FAM135B: variants seen among roughly 807,000 people sequenced by gnomAD.
FAM135B encodes protein FAM135B.
A neutral mutation model predicts 127.7 loss-of-function variants in FAM135B; 43 were observed. That is an observed-to-expected ratio of 0.34 (90% CI 0.26 to 0.43). The LOEUF is 0.43. Ranked by LOEUF, FAM135B falls within the 20% of genes least tolerant of loss-of-function variation. FAM135B has a pLI of 1.00. For missense variants in FAM135B, 1,558 were observed against 1,725.6 expected, an observed-to-expected ratio of 0.90 and a Z score of 1.72; for synonymous variants, 670 against 665.1, an observed-to-expected ratio of 1.01 and a Z score of -0.11.
In FAM135B at chr8:138,132,515, G is replaced by T; in HGVS notation, c.*78C>A. ...TGTTGAAGCTTCATTCTGAAATGGTGAGGTCTGTAAAAGCAGGTCTCAGCT... is the reference window on the plus strand; with the variant it reads ...TGTTGAAGCTTCATTCTGAAATGGTTAGGTCTGTAAAAGCAGGTCTCAGCT... On this transcript the variant is annotated 3_prime_UTR_variant, in exon 20 of 20. Transcript: ENST00000395297. This position sits in a 1 kb window ranked among gnomAD's most constrained non-coding sequence, Gnocchi z 4.5. 8.4e-7 allele frequency: 1 copy of T among 1,191,888 alleles called. No individual in the cohort carries two copies. 73.8% of individuals were successfully genotyped at this position (1,191,888 alleles called of 1,614,324 possible).
At chr8:138,347,030 A>G (rs1829464479) in intron 2 of FAM135B, among the ~76,000 whole-genome samples, 1 of 152,360 alleles carries the variant, frequency 6.6e-6, no homozygotes, top group South Asian at 2.1e-4. Flanking sequence ...ATTGGTACAT[A>G]GGTATCAATT....
chr8:138,250,765 A>C (rs1428481850), intron 6 of FAM135B, 76 bp downstream of exon 6: 1 of 1,537,528 alleles, frequency 6.5e-7, no homozygotes, highest in African/African-American at 1.4e-5. Context: ...TCTCTCCTGG[A>C]AAACTCCCTG....
Position 138,159,292 on chromosome 8 carries a change from G to A in FAM135B, c.1259-6076C>T, listed in dbSNP as rs1227109422. Among the ~76,000 whole-genome samples, 51 of 100,014 alleles carry A rather than the reference G, an allele frequency of 5.1e-4. 1 individual carries two copies. The highest frequency in any genetic ancestry group is 9.7e-4 in the Admixed American group (9 of 9,280). The allele number at this position is 100,014 out of a possible 152,430, so 65.6% of individuals were successfully genotyped here. The stretch of plus-strand genomic sequence containing the variant: ...AGACTCCGTCTCAAAAAAAAAAAAA[G>A]ACACATGCACACATATGTTTATTGC... On this transcript the variant is annotated intron_variant, in intron 12 of 19. Coordinates refer to ENST00000395297, the MANE Select transcript of FAM135B (RefSeq NM_015912.4).
At chr8:138,408,825 C>T (rs1218727437) in intron 1 of FAM135B, among the ~76,000 whole-genome samples, 2 of 152,102 alleles carry the variant, frequency 1.3e-5, no homozygotes, top group African/African-American at 2.4e-5. Flanking sequence ...TCACCAGGTC[C>T]CTCTCTTGAC....
At chr8:138,280,666 T>C (rs1824198104) in intron 3 of FAM135B, among the ~76,000 whole-genome samples, 1 of 152,064 alleles carries the variant, frequency 6.6e-6, no homozygotes, top group African/African-American at 2.4e-5. Context: ...AACTTTTTAA[T>C]GACTGTGTTA....
intron 1 of FAM135B, among the ~76,000 whole-genome samples, chr8:138,426,081 A>T (rs202141915): frequency 1.5e-5 from 2 of 133,186 alleles, no homozygotes; most frequent in African/African-American, 2.8e-5. Context: ...ACATATATAA[A>T]ATGTTTTATG....
intron 7 of FAM135B, among the ~76,000 whole-genome samples, chr8:138,222,753 A>T (rs937491201): frequency 4.0e-5 from 6 of 150,142 alleles, no homozygotes; most frequent in Non-Finnish European, 3.0e-5. Flanking sequence ...ATGAATTTTT[A>T]AAAAAGATTC....
intron 1 of FAM135B, among the ~76,000 whole-genome samples, chr8:138,430,456 G>A (rs1397173365): frequency 6.6e-6 from 1 of 152,162 alleles, no homozygotes; most frequent in Non-Finnish European, 1.5e-5. Context: ...GAACTCAGAT[G>A]GGCACCTCCA....
chr8:138,305,005 T>C (rs893909832), intron 3 of FAM135B, among the ~76,000 whole-genome samples: 1 of 152,186 alleles, frequency 6.6e-6, no homozygotes, highest in African/African-American at 2.4e-5. Context: ...GGCTGGTACT[T>C]AGAGCCTGGG....
rs1404751522 is a variant in FAM135B at position 138,223,131 on chromosome 8, G to A, written c.669+19811C>T. Among the ~76,000 whole-genome samples, 7 of 152,124 alleles carry A rather than the reference G, an allele frequency of 4.6e-5. No homozygotes were observed. The South Asian group carries it at 6.2e-4, about 14-fold the overall frequency. On this transcript the variant is annotated intron_variant, in intron 7 of 19. Transcript: ENST00000395297. Reference sequence around the variant, plus strand: ...AGTTAGTTTCTATTTCTGAACCTCCGTTTTCTTGTTCCGAAATGTCAGTGG... The same window carrying A: ...AGTTAGTTTCTATTTCTGAACCTCCATTTTCTTGTTCCGAAATGTCAGTGG...
At chr8:138,186,624 A>G (rs1029264385) in intron 9 of FAM135B, among the ~76,000 whole-genome samples, 1 of 151,786 alleles carries the variant, frequency 6.6e-6, no homozygotes, top group Non-Finnish European at 1.5e-5. Context: ...CACCCTTTCC[A>G]CCCTCTTCAT....
At chr8:138,456,883 C>T (rs1190884831) in intron 1 of FAM135B, among the ~76,000 whole-genome samples, 1 of 152,048 alleles carries the variant, frequency 6.6e-6, no homozygotes, top group Non-Finnish European at 1.5e-5. Context: ...AACCACGCTC[C>T]TTTCCTGGAG....
At position 138,374,983 on chromosome 8, in the gene FAM135B, T is replaced by TAACAAC. The variant is rs58875296; in HGVS notation, c.-19-6987_-19-6982dup. On this transcript the variant is annotated intron_variant, in intron 1 of 19. Coordinates refer to ENST00000395297, the MANE Select transcript of FAM135B (RefSeq NM_015912.4). The stretch of plus-strand genomic sequence containing the variant: ...CCACAAAAGAACAACCTGGGAAAAT[T>TAACAAC]AACAACAACAACAACAACAACAACA... Among the ~76,000 whole-genome samples the TAACAAC allele has an allele frequency of 9.0e-3, 1,357 of 150,368 alleles. 19 individuals carry two copies. Among genetic ancestry groups the TAACAAC allele is most frequent in the African/African-American group, 0.025 (1,006 of 40,280 alleles).
rs879017226 is a variant in FAM135B, at chr8:138,455,039, T to C, written c.-20+41632A>G. Among the ~76,000 whole-genome samples the C allele has an allele frequency of 5.9e-5, 9 of 152,360 alleles. No individual in the cohort carries two copies. In the South Asian group the frequency reaches 1.7e-3, roughly 28 times the overall value. ...AACCTAGCTGAAATTGACAGAAAGA[T>C]GTATTCAAGCCATTCAGAGTGTAAA... On this transcript the variant is annotated intron_variant, in intron 1 of 19. Coordinates refer to ENST00000395297, the MANE Select transcript of FAM135B (RefSeq NM_015912.4).
chr8:138,367,421 T>G (rs1476138268), intron 2 of FAM135B: 1 of 456,442 alleles, frequency 2.2e-6, no homozygotes, highest in Admixed American at 2.4e-5. Context: ...CTCAAAAAGA[T>G]GAAAGCATTA....
intron 1 of FAM135B, among the ~76,000 whole-genome samples, chr8:138,476,003 G>A (rs997160142): frequency 2.0e-5 from 3 of 152,106 alleles, no homozygotes; most frequent in Non-Finnish European, 4.4e-5. Flanking sequence ...ACTATGGTAC[G>A]TCTAGATGAT....
chr8:138,345,461 G>A (rs933320477), intron 2 of FAM135B, among the ~76,000 whole-genome samples: 11 of 152,328 alleles, frequency 7.2e-5, no homozygotes, highest in African/African-American at 2.6e-4. Context: ...CAGAGTCTAT[G>A]TAACTCCGGG....
Position 138,152,263 on chromosome 8 carries a change from TTG to T in FAM135B, c.2210_2211del (p.Thr737LysfsTer14). ...GAAGCCTGGATGCCGCTTGGCAAAC[TTG>T]TGTTACTTTCTGTGTGTCCACCCTC... is the stretch of plus-strand genomic sequence containing the variant. Reference protein sequence around the residue: ...SLEGGHTESNTSLPSGIQASL... With the variant: ...SLEGGHTESNXSLPSGIQASL... On this transcript the variant is annotated frameshift_variant, in exon 13 of 20. Coordinates refer to ENST00000395297, the MANE Select transcript of FAM135B (RefSeq NM_015912.4). LOFTEE classifies it high-confidence loss of function. The T allele has an allele frequency of 6.2e-7, 1 of 1,614,106 alleles. No homozygotes were observed. Among genetic ancestry groups the T allele is most frequent in the Non-Finnish European group, 8.5e-7 (1 of 1,180,034 alleles).
rs2130980831 is a variant in FAM135B, at chr8:138,178,589, G to A, written c.975C>T (p.Val325=). 1 of 1,614,090 alleles carries A rather than the reference G, an allele frequency of 6.2e-7. No individual in the cohort carries two copies. Among genetic ancestry groups the A allele is most frequent in the South Asian group, 1.1e-5 (1 of 91,072 alleles). ...MTLWTQFLDT[V]TLHSQVTTYL... ...AAGTGGTCACTTGGGAGTGCAGAGT[G>A]ACTGTGTCCAGGAACTGGGTCCACA... The change falls in exon 10 of 20, where the codon GTC becomes GTT. Residue 325 remains valine, a synonymous_variant. Coordinates refer to ENST00000395297, the MANE Select transcript of FAM135B (RefSeq NM_015912.4).
Sources: gnomAD v4.1 joint callset for allele counts (sites outside exome capture counted in the v4.1 genomes callset) on GRCh38, gnomAD v4.1.1 for gene constraint, Gnocchi (gnomAD v3.1) non-coding constraint, MANE v1.5 for transcripts, NCBI Gene and HGNC (gene_info 2026-07-23, HGNC 2026-07-21) for gene names.